The following PCDH15 variants were observed in gnomAD, a reference collection of about 807,000 sequenced individuals.
The protein encoded by PCDH15 is protocadherin-15.
In PCDH15, 129 loss-of-function variants were observed where a neutral mutation model predicts 178.5. The ratio of observed to expected loss-of-function variants is 0.72; its 90% CI spans 0.63 to 0.84. PCDH15 has a LOEUF of 0.84. PCDH15 is among the 40% of genes least tolerant of loss of function. The pLI, the probability that PCDH15 is intolerant of heterozygous loss-of-function variation, is 0.00. For missense variants in PCDH15, 2,230 were observed against 2,099.9 expected (o/e 1.06, Z -1.21); for synonymous variants, 800 against 732.0 (o/e 1.09, Z -1.50).
At chr10:55,290,460 C>T (rs1842980710) in intron 1 of PCDH15, among the ~76,000 whole-genome samples, 1 of 152,042 alleles carries the variant, frequency 6.6e-6, no homozygotes, top group African/African-American at 2.4e-5. Context: ...TTAATGAATA[C>T]ACAGCATTTT....
At chr10:53,993,739 C>A (rs1003527829) in intron 21 of PCDH15, among the ~76,000 whole-genome samples, 3 of 152,024 alleles carry the variant, frequency 2.0e-5, no homozygotes, top group Middle Eastern at 3.2e-3. Context: ...TAGGTGCAAC[C>A]AAATTGCAAC....
intron 2 of PCDH15, among the ~76,000 whole-genome samples, chr10:54,920,469 A>AAG (rs1491461518): frequency 1.1e-4 from 2 of 18,494 alleles, no homozygotes; most frequent in African/African-American, 6.8e-4. Context: ...ACTGTGTCTC[A>AAG]AAAAAAAAAA....
At chr10:54,390,791 A>G (rs1313412625) in intron 3 of PCDH15, among the ~76,000 whole-genome samples, 1 of 152,188 alleles carries the variant, frequency 6.6e-6, no homozygotes, top group Non-Finnish European at 1.5e-5. Context: ...GCAGAAGAGG[A>G]CTAGAGAAAG....
intron 2 of PCDH15, among the ~76,000 whole-genome samples, chr10:55,092,293 C>T (rs1842337582): frequency 6.6e-6 from 1 of 151,770 alleles, no homozygotes; most frequent in African/African-American, 2.4e-5. Context: ...CAGCTTCCAA[C>T]CAGAGATGGT....
At chr10:54,936,452 CA>C (rs1023980293) in intron 2 of PCDH15, among the ~76,000 whole-genome samples, 5 of 151,754 alleles carry the variant, frequency 3.3e-5, no homozygotes, top group Admixed American at 2.0e-4. Flanking sequence ...GAGTAACTGC[CA>C]AACAGTTTTC....
chr10:54,253,805 C>A (rs955933456), intron 8 of PCDH15, among the ~76,000 whole-genome samples: 2 of 151,912 alleles, frequency 1.3e-5, no homozygotes, highest in Admixed American at 6.6e-5. Flanking sequence ...TGAAAACATT[C>A]TTTTGCTGTC....
chr10:54,731,561 T>TACAC (rs1259614508), intron 1 of PCDH15, among the ~76,000 whole-genome samples: 574 of 48,334 alleles, frequency 0.012, 10 homozygotes, highest in East Asian at 0.036. Context: ...TATATATATA[T>TACAC]ATACACACAC....
intron 8 of PCDH15, among the ~76,000 whole-genome samples, chr10:54,270,943 T>A (rs2132487291): frequency 6.6e-6 from 1 of 151,230 alleles, no homozygotes; most frequent in East Asian, 2.0e-4. Context: ...CTGAGAAAAA[T>A]GAAGGAGAAT....
chr10:54,555,875 C>G (rs1376626507), intron 2 of PCDH15, among the ~76,000 whole-genome samples: 1 of 151,944 alleles, frequency 6.6e-6, no homozygotes, highest in Non-Finnish European at 1.5e-5. Context: ...AATTGAAGAT[C>G]TACTGATATT....
chr10:54,313,765 C>T (rs547676948), intron 8 of PCDH15, among the ~76,000 whole-genome samples: 66 of 152,158 alleles, frequency 4.3e-4, no homozygotes, highest in African/African-American at 1.4e-3. Context: ...TGATCACTTA[C>T]GTTATTACCC....
chr10:54,635,978 TC>T (rs1295675996), intron 2 of PCDH15, among the ~76,000 whole-genome samples: 1 of 150,502 alleles, frequency 6.6e-6, no homozygotes, highest in African/African-American at 2.5e-5. Context: ...CTAACCTCTC[TC>T]AAAAAAAAAT....
chr10:54,869,006 A>G (rs1298787058), intron 3 of PCDH15: 1 of 152,196 alleles, frequency 6.6e-6, no homozygotes, highest in Non-Finnish European at 1.5e-5. Context: ...AATTGAAGCT[A>G]AGGGTGAATC....
intron 3 of PCDH15, among the ~76,000 whole-genome samples, chr10:54,818,446 T>A (rs1300513582): frequency 6.6e-6 from 1 of 152,048 alleles, no homozygotes; most frequent in Non-Finnish European, 1.5e-5. Flanking sequence ...CCTCTTTCCT[T>A]GAATCTATGC....
intron 2 of PCDH15, among the ~76,000 whole-genome samples, chr10:55,598,455 G>A (rs138880103): frequency 3.8e-4 from 54 of 140,854 alleles, no homozygotes; most frequent in African/African-American, 1.3e-3. Flanking sequence ...GATAAACCCC[G>A]ATATACCTCA....
At position 54,766,276 on chromosome 10, in the gene PCDH15, G is replaced by A. The variant is rs1206736817; in HGVS notation, c.-29+34649C>T. 1.3e-5 allele frequency among the ~76,000 whole-genome samples: 2 copies of A among 152,010 alleles called. 1 individual carries two copies. Among genetic ancestry groups the A allele is most frequent in the Non-Finnish European group, 2.9e-5 (2 of 67,978 alleles). ...AATGATGAAAACAATGAGAGAAAGA[G>A]ATAAATTAGTGAAATAAAGTTGAAA... On this transcript the variant is annotated intron_variant, in intron 1 of 37. Coordinates refer to ENST00000644397, the MANE Select transcript of PCDH15 (RefSeq NM_001384140.1).
intron 2 of PCDH15, among the ~76,000 whole-genome samples, chr10:55,099,269 A>G (rs1020619973): frequency 2.0e-5 from 3 of 152,010 alleles, no homozygotes; most frequent in East Asian, 3.9e-4. Flanking sequence ...TTTCATATTC[A>G]TTATTGTCCA....
intron 2 of PCDH15, among the ~76,000 whole-genome samples, chr10:55,385,433 A>T (rs1837631765): frequency 6.6e-6 from 1 of 152,052 alleles, no homozygotes; most frequent in South Asian, 2.1e-4. Context: ...TCTAACTGCC[A>T]CTATATGAGG....
intron 9 of PCDH15, among the ~76,000 whole-genome samples, chr10:54,227,573 A>G (rs2053587595): frequency 6.6e-6 from 1 of 152,168 alleles, no homozygotes; most frequent in South Asian, 2.1e-4. Flanking sequence ...TTTTCCCATT[A>G]TCTACAGGAT....
chr10:55,478,377 C>A (rs1359958521), intron 2 of PCDH15, among the ~76,000 whole-genome samples: 2 of 151,424 alleles, frequency 1.3e-5, no homozygotes, highest in Non-Finnish European at 3.0e-5. Context: ...TGAAAATTAA[C>A]CAGCATAACT....
Sources: allele counts gnomAD v4.1 joint callset (sites outside exome capture counted in the v4.1 genomes callset), GRCh38; gene constraint gnomAD v4.1.1; transcripts MANE v1.5; gene names NCBI Gene and HGNC (gene_info 2026-07-23, HGNC 2026-07-21).